The following KIFAP3 variants were observed in gnomAD, a reference collection of about 807,000 sequenced individuals.
KIFAP3 encodes the protein kinesin-associated protein 3.
In KIFAP3, 68 loss-of-function variants were observed where a neutral mutation model predicts 106.5. That is an observed-to-expected ratio of 0.64 (90% CI 0.53 to 0.78). The LOEUF is 0.78. KIFAP3 is among the 30% of genes least tolerant of loss of function. The probability of loss-of-function intolerance (pLI) is 0.00; values close to 1 mark genes in which losing one functional copy is unlikely to be tolerated. For synonymous variants in KIFAP3, 320 were observed against 311.5 expected (o/e 1.03, Z -0.29); for missense variants, 780 against 941.8 (o/e 0.83, Z 2.25).
At chr1:170,079,655 T>C (rs2102193109), upstream of KIFAP3, among the ~76,000 whole-genome samples, 1 of 152,304 alleles carries the variant, frequency 6.6e-6, no homozygotes, top group African/African-American at 2.4e-5. Context: ...TAATACTGTT[T>C]TAATTACCAT....
chr1:170,011,071 C>T (rs1668220732), intron 10 of KIFAP3, among the ~76,000 whole-genome samples: 1 of 151,836 alleles, frequency 6.6e-6, no homozygotes, highest in Non-Finnish European at 1.5e-5. Context: ...TTCTTTTCTC[C>T]ACAGTGAAGA....
intron 3 of KIFAP3, among the ~76,000 whole-genome samples, chr1:170,039,943 C>CA (rs1669887706): frequency 6.6e-6 from 1 of 151,814 alleles, no homozygotes; most frequent in Non-Finnish European, 1.5e-5. Flanking sequence ...CATTTTTTAA[C>CA]AAAAAAACTA....
At chr1:170,036,984 A>G (rs1669722972) in intron 5 of KIFAP3, among the ~76,000 whole-genome samples, 2 of 152,234 alleles carry the variant, frequency 1.3e-5, no homozygotes, top group African/African-American at 4.8e-5. Flanking sequence ...CAAAATATAT[A>G]AGACAAATGT....
intron 9 of KIFAP3, 31 bp downstream of exon 9, chr1:170,024,387 A>T: frequency 7.2e-7 from 1 of 1,392,786 alleles, no homozygotes; most frequent in Non-Finnish European, 9.8e-7. Context: ...GGCAAAAATG[A>T]ACTATTTCAA....
chr1:170,046,606 A>G (rs1057463415), intron 3 of KIFAP3, 106 bp downstream of exon 3: 1 of 896,280 alleles, frequency 1.1e-6, no homozygotes, highest in African/African-American at 1.7e-5. Flanking sequence ...AACCTACCCA[A>G]CATCAAATAT....
chr1:169,946,872 G>A (rs897943858), intron 19 of KIFAP3, among the ~76,000 whole-genome samples: 6 of 151,772 alleles, frequency 4.0e-5, no homozygotes, highest in African/African-American at 7.3e-5. Flanking sequence ...AAGAAAAAAG[G>A]GATTTCATGT....
At chr1:169,986,867 T>C (rs1666854228) in intron 11 of KIFAP3, among the ~76,000 whole-genome samples, 1 of 152,056 alleles carries the variant, frequency 6.6e-6, no homozygotes, top group African/African-American at 2.4e-5. Flanking sequence ...GTCATTATTT[T>C]AGAAGGTAAA....
At chr1:170,009,318 A>G (rs1273757001) in intron 10 of KIFAP3, among the ~76,000 whole-genome samples, 1 of 152,128 alleles carries the variant, frequency 6.6e-6, no homozygotes, top group Admixed American at 6.6e-5. Context: ...TTAATTTAAA[A>G]TGTACAATAA....
At chr1:170,067,781 T>C (rs779520751) in intron 1 of KIFAP3, 2 of 152,220 alleles carry the variant, frequency 1.3e-5, no homozygotes, top group Non-Finnish European at 1.5e-5. Context: ...CTGGGATAAA[T>C]AGTAATAGCT....
At chr1:169,968,259 T>C (rs1464846961) in intron 17 of KIFAP3, among the ~76,000 whole-genome samples, 1 of 151,928 alleles carries the variant, frequency 6.6e-6, no homozygotes, top group African/African-American at 2.4e-5. Context: ...TACATCATTT[T>C]GTTTACTAGT....
chr1:170,020,513 T>A (rs925449378), intron 9 of KIFAP3, among the ~76,000 whole-genome samples: 1 of 152,108 alleles, frequency 6.6e-6, no homozygotes, highest in Non-Finnish European at 1.5e-5. Context: ...GGAGCGACGA[T>A]CTTGGCTCAC....
intron 18 of KIFAP3, among the ~76,000 whole-genome samples, chr1:169,958,989 G>T (rs570624769): frequency 6.6e-6 from 1 of 152,236 alleles, no homozygotes; most frequent in African/African-American, 2.4e-5. Context: ...TACAGAGAAT[G>T]ATGCTAATGA....
chr1:170,084,121 G>T (rs1470431481), intron 1 of KIFAP3, among the ~76,000 whole-genome samples: 1 of 152,162 alleles, frequency 6.6e-6, no homozygotes, highest in South Asian at 2.1e-4. Context: ...GGCTAAAGAT[G>T]GTTTCTGAGG....
rs189953767 is a variant in KIFAP3, at chr1:169,951,902, T to A, written c.2273+2109A>T. Reference sequence around the variant, plus strand: ...AATCTTATAAATGCTATAAGCAAAATTTTTCAATATAAATATTAAGATCAC... The same window carrying A: ...AATCTTATAAATGCTATAAGCAAAAATTTTCAATATAAATATTAAGATCAC... On this transcript the variant is annotated intron_variant, in intron 19 of 19. Transcript: ENST00000361580. 2.6e-5 allele frequency among the ~76,000 whole-genome samples: 4 copies of A among 151,988 alleles called. No individual in the cohort carries two copies. The East Asian group carries it at 7.7e-4, about 29-fold the overall frequency.
intron 16 of KIFAP3, among the ~76,000 whole-genome samples, chr1:169,972,845 A>T (rs541740722): frequency 6.6e-6 from 1 of 151,726 alleles, no homozygotes; most frequent in South Asian, 2.1e-4. Flanking sequence ...CAAAGTCAGT[A>T]AATCTCAGAA....
chr1:170,044,776 A>G (rs529717397), intron 3 of KIFAP3, among the ~76,000 whole-genome samples: 1 of 152,318 alleles, frequency 6.6e-6, no homozygotes, highest in South Asian at 2.1e-4. Context: ...AGTGCCCATT[A>G]AACAGCTCTT....
intron 19 of KIFAP3, among the ~76,000 whole-genome samples, chr1:169,951,483 A>G (rs2101837347): frequency 6.6e-6 from 1 of 152,052 alleles, no homozygotes; most frequent in South Asian, 2.1e-4. Context: ...TTTTGAAAAG[A>G]AAGTAAAGGT....
intron 15 of KIFAP3, among the ~76,000 whole-genome samples, chr1:169,979,496 T>A (rs572063037): frequency 2.4e-4 from 37 of 152,150 alleles, no homozygotes; most frequent in Non-Finnish European, 4.6e-4. Context: ...AATAGGCACA[T>A]CTTTTTACTG....
At chr1:169,956,847 C>T (rs2101851452) in intron 18 of KIFAP3, among the ~76,000 whole-genome samples, 1 of 152,160 alleles carries the variant, frequency 6.6e-6, no homozygotes, top group South Asian at 2.1e-4. Flanking sequence ...TCCCTCTTGC[C>T]TCAGCCTCCC....
Sources: gnomAD v4.1 joint callset for allele counts (sites outside exome capture counted in the v4.1 genomes callset) on GRCh38, gnomAD v4.1.1 for gene constraint, MANE v1.5 for transcripts, NCBI Gene and HGNC (gene_info 2026-07-23, HGNC 2026-07-21) for gene names.